PPP1R14C: variants seen among roughly 807,000 people sequenced by gnomAD.
PPP1R14C encodes the protein protein phosphatase 1 regulatory subunit 14C.
Under a neutral mutation model 20.4 loss-of-function variants are expected in PPP1R14C, and 16 were observed. The observed-to-expected ratio is 0.78, with a 90% confidence interval of 0.53 to 1.19. PPP1R14C has a LOEUF of 1.19. Among genes scored for constraint, PPP1R14C ranks in the 50% most tolerant of loss-of-function variants. PPP1R14C has a pLI of 0.00. For synonymous variants in PPP1R14C, 91 were observed against 91.0 expected, an observed-to-expected ratio of 1.00 and a Z score of 0.00; for missense variants, 211 against 220.1, an observed-to-expected ratio of 0.96 and a Z score of 0.26.
intron 1 of PPP1R14C, among the ~76,000 whole-genome samples, chr6:150,163,010 C>G (rs2114861117): frequency 6.6e-6 from 1 of 152,308 alleles, no homozygotes; most frequent in South Asian, 2.1e-4. Flanking sequence ...CAAACACCCT[C>G]TGGCAGGATG....
chr6:150,246,615 T>A (rs993111870), intron 3 of PPP1R14C, among the ~76,000 whole-genome samples: 4 of 152,190 alleles, frequency 2.6e-5, no homozygotes, highest in Non-Finnish European at 5.9e-5. Flanking sequence ...GAAATGGTGG[T>A]GATTAAAATA....
chr6:150,238,016 A>G (rs920245761), intron 3 of PPP1R14C, among the ~76,000 whole-genome samples: 2 of 152,216 alleles, frequency 1.3e-5, no homozygotes, highest in African/African-American at 4.8e-5. Context: ...CCCCAGCCTC[A>G]TCACAAGCAG....
chr6:150,216,375 A>T (rs1156747251), intron 2 of PPP1R14C, among the ~76,000 whole-genome samples: 1 of 152,160 alleles, frequency 6.6e-6, no homozygotes, highest in Non-Finnish European at 1.5e-5. Flanking sequence ...GCACACCTGT[A>T]GTCCCAGCTA....
chr6:150,217,655 A>G (rs1233505841), intron 3 of PPP1R14C, among the ~76,000 whole-genome samples: 3 of 152,260 alleles, frequency 2.0e-5, no homozygotes, highest in African/African-American at 7.2e-5. Flanking sequence ...AAAGCATTTC[A>G]TGTAGACTCT....
At chr6:150,205,337 C>T (rs1445011528) in intron 1 of PPP1R14C, among the ~76,000 whole-genome samples, 1 of 152,164 alleles carries the variant, frequency 6.6e-6, no homozygotes, top group Non-Finnish European at 1.5e-5. Context: ...ACCTGGTCTG[C>T]ATCGTCAGTG....
rs115403091 is a variant in PPP1R14C at position 150,156,633 on chromosome 6, G to T, written c.306+13135G>T. On this transcript the variant is annotated intron_variant, in intron 1 of 3. Transcript: ENST00000361131. The stretch of plus-strand genomic sequence containing the variant: ...CATAACAATTCAAATTAGTCAACTG[G>T]TTTTTCTCATGTTTGTGTTGGGGTG... Among the ~76,000 whole-genome samples the T allele has an allele frequency of 6.1e-3, 931 of 152,208 alleles. 8 individuals are homozygous for T. Among genetic ancestry groups the T allele is most frequent in the African/African-American group, 0.021 (886 of 41,530 alleles).
chr6:150,196,112 G>T, intron 1 of PPP1R14C: 1 of 985,352 alleles, frequency 1.0e-6, no homozygotes, highest in Non-Finnish European at 1.2e-6. Context: ...AGCATCAATG[G>T]GGCCTTCCAA....
rs554770284 is a variant in PPP1R14C at position 150,196,147 on chromosome 6, G to A, written c.307-18597G>A. 44 of 984,056 alleles carry A rather than the reference G, an allele frequency of 4.5e-5. No individual in the cohort carries two copies. The South Asian group carries it at 1.6e-3, about 36-fold the overall frequency. 61.0% of individuals were successfully genotyped at this position (984,056 alleles called of 1,614,324 possible). The stretch of plus-strand genomic sequence containing the variant: ...AAGGAAGTCATTGCAATACACTGTT[G>A]TTAAGCCTTCTGAGCTTCTAGCTGT... On this transcript the variant is annotated intron_variant, in intron 1 of 3. Transcript: ENST00000361131.
At chr6:150,215,212 C>T (rs1222373578) in intron 2 of PPP1R14C, among the ~76,000 whole-genome samples, 1 of 152,196 alleles carries the variant, frequency 6.6e-6, no homozygotes, top group Non-Finnish European at 1.5e-5. Flanking sequence ...TCTGGTCTCA[C>T]AGTTGTGGAC....
intron 1 of PPP1R14C, among the ~76,000 whole-genome samples, chr6:150,161,936 A>T (rs538978773): frequency 4.6e-4 from 70 of 152,326 alleles, no homozygotes; most frequent in Non-Finnish European, 8.1e-4. Context: ...AGTCCTATGG[A>T]CTTTAACAAA....
chr6:150,159,847 T>C (rs1004774181), intron 1 of PPP1R14C, among the ~76,000 whole-genome samples: 4 of 152,172 alleles, frequency 2.6e-5, no homozygotes, highest in Non-Finnish European at 5.9e-5. Context: ...TAGAGTCCTT[T>C]TTCTGTTCCA....
intron 3 of PPP1R14C, among the ~76,000 whole-genome samples, chr6:150,220,747 C>T (rs887314443): frequency 3.3e-5 from 5 of 152,190 alleles, no homozygotes; most frequent in African/African-American, 1.2e-4. Flanking sequence ...AGTAAAAGCA[C>T]TGCATTTTCT....
At chr6:150,166,078 CTT>C (rs373832861) in intron 1 of PPP1R14C, among the ~76,000 whole-genome samples, 57 of 143,638 alleles carry the variant, frequency 4.0e-4, no homozygotes, top group African/African-American at 7.4e-4. Flanking sequence ...TCTTCTTCTT[CTT>C]TTTTTTTTTT....
intron 1 of PPP1R14C, among the ~76,000 whole-genome samples, chr6:150,172,364 G>C (rs1160396810): frequency 6.6e-6 from 1 of 152,118 alleles, no homozygotes; most frequent in East Asian, 1.9e-4. Context: ...CCCCAGCATT[G>C]GTGCTTTTAT....
intron 1 of PPP1R14C, among the ~76,000 whole-genome samples, chr6:150,181,181 T>C (rs1412727195): frequency 2.6e-5 from 4 of 152,116 alleles, no homozygotes; most frequent in African/African-American, 9.7e-5. Flanking sequence ...GAGGTGTTCT[T>C]GGTAAGGATT....
intron 1 of PPP1R14C, among the ~76,000 whole-genome samples, chr6:150,176,270 C>T (rs1025842358): frequency 3.9e-5 from 6 of 152,206 alleles, no homozygotes; most frequent in South Asian, 2.1e-4. Context: ...ATCTTCTCAA[C>T]GGGAGTGCCC....
intron 1 of PPP1R14C, among the ~76,000 whole-genome samples, chr6:150,193,766 C>G (rs1777772615): frequency 6.6e-6 from 1 of 152,188 alleles, no homozygotes; most frequent in Non-Finnish European, 1.5e-5. Flanking sequence ...GCTCATTCCC[C>G]ATTTCCTTCT....
Position 150,201,538 on chromosome 6 carries a change from G to T in PPP1R14C, c.307-13206G>T, listed in dbSNP as rs1321211304. On this transcript the variant is annotated intron_variant, in intron 1 of 3. Coordinates refer to ENST00000361131, the MANE Select transcript of PPP1R14C (RefSeq NM_030949.3). The surrounding 1 kb of genome is among the most constrained non-coding windows in gnomAD (Gnocchi z 4.2). ...GGGAGTTGGGGTGAGGCATTGAATG[G>T]AGAGGAGGCCGGGAGCCCAGCAGGG... Among the ~76,000 whole-genome samples the T allele has an allele frequency of 6.6e-6, 1 of 152,204 alleles. No homozygotes were observed. Among genetic ancestry groups the T allele is most frequent in the African/African-American group, 2.4e-5 (1 of 41,448 alleles).
At chr6:150,150,521 C>T (rs1408337225) in intron 1 of PPP1R14C, among the ~76,000 whole-genome samples, 3 of 152,136 alleles carry the variant, frequency 2.0e-5, no homozygotes, top group Non-Finnish European at 4.4e-5. Flanking sequence ...TGGTCTCCCT[C>T]GCCTAGCCCA....
Sources: allele counts gnomAD v4.1 joint callset (sites outside exome capture counted in the v4.1 genomes callset), GRCh38; gene constraint gnomAD v4.1.1; non-coding constraint Gnocchi (gnomAD v3.1); transcripts MANE v1.5; gene names NCBI Gene and HGNC (gene_info 2026-07-23, HGNC 2026-07-21).